Variants in SLC18A1 observed in about 807,000 individuals in gnomAD.
SLC18A1 encodes chromaffin granule amine transporter.
In SLC18A1, 69 loss-of-function variants were observed where a neutral mutation model predicts 53.7. The observed-to-expected ratio is 1.28, with a 90% CI of 1.06 to 1.57. The LOEUF (loss-of-function observed/expected upper bound fraction) is 1.57. SLC18A1 is among the 40% of genes most tolerant of loss of function. The pLI is 0.00. For synonymous variants in SLC18A1, 320 were observed against 248.1 expected (o/e 1.29, Z -2.72); for missense variants, 932 against 668.1 (o/e 1.40, Z -4.35).
chr8:20,154,895 C>T (rs2071644438), intron 10 of SLC18A1, among the ~76,000 whole-genome samples: 2 of 152,188 alleles, frequency 1.3e-5, no homozygotes, highest in African/African-American at 4.8e-5. Context: ...CCCTCCAGAT[C>T]TGGCAGGGTG....
At chr8:20,180,303 A>G (rs1208771375) in intron 2 of SLC18A1, among the ~76,000 whole-genome samples, 1 of 152,194 alleles carries the variant, frequency 6.6e-6, no homozygotes, top group Non-Finnish European at 1.5e-5. Context: ...GTTTTACCCA[A>G]GAGGAGAAAC....
chr8:20,147,413 C>T, intron 14 of SLC18A1, 22 bp from the exon 15 acceptor site: 1 of 1,597,508 alleles, frequency 6.3e-7, no homozygotes, highest in South Asian at 1.1e-5. Flanking sequence ...ACATCAAAGT[C>T]ATAAGTGTCT....
chr8:20,159,660 A>G (rs1392500528), intron 10 of SLC18A1, among the ~76,000 whole-genome samples: 99 of 149,844 alleles, frequency 6.6e-4, no homozygotes, highest in African/African-American at 2.0e-3. Flanking sequence ...AAAAAAAAAA[A>G]AAAGAAAGAA....
Position 20,179,475 on chromosome 8 carries a change from A to G in SLC18A1, c.134T>C (p.Val45Ala), listed in dbSNP as rs761806392. Residue 45 changes from valine to alanine, a missense_variant, in exon 3 of 16, where the codon GTG becomes GCG. Coordinates refer to ENST00000276373, the MANE Select transcript of SLC18A1 (RefSeq NM_003053.4). ...CTCCATGTCATATAGGAAGGTGGGCACAATTGGCACTGAAAGTCAAAGAGG... is the reference window on the plus strand; with the variant it reads ...CTCCATGTCATATAGGAAGGTGGGCGCAATTGGCACTGAAAGTCAAAGAGG... ...NMLFTVVVPI[V>A]PTFLYDMEFK... 6.2e-7 allele frequency: 1 copy of G among 1,609,096 alleles called. No individual in the cohort carries two copies. Among genetic ancestry groups the G allele is most frequent in the Admixed American group, 1.7e-5 (1 of 59,896 alleles).
intron 4 of SLC18A1, among the ~76,000 whole-genome samples, chr8:20,177,513 T>C (rs1026897152): frequency 3.3e-5 from 5 of 152,070 alleles, no homozygotes; most frequent in African/African-American, 1.2e-4. Context: ...AGGGGAGGGA[T>C]AGCATTAGGA....
At chr8:20,166,017 C>T (rs934356973) in intron 8 of SLC18A1, among the ~76,000 whole-genome samples, 12 of 151,950 alleles carry the variant, frequency 7.9e-5, no homozygotes, top group South Asian at 4.2e-4. Context: ...AGAGATCATT[C>T]GCTTACCCAA....
Position 20,145,584 on chromosome 8 carries a change from G to A in SLC18A1, c.*179C>T. The A allele has an allele frequency of 2.3e-6, 1 of 443,936 alleles. No individual in the cohort carries two copies. The highest frequency in any genetic ancestry group is 4.0e-6 in the Non-Finnish European group (1 of 250,244). 27.5% of individuals were successfully genotyped at this position (443,936 alleles called of 1,614,324 possible). On this transcript the variant is annotated 3_prime_UTR_variant, in exon 16 of 16. Coordinates refer to ENST00000276373, the MANE Select transcript of SLC18A1 (RefSeq NM_003053.4). ...TGCGGCACCAAGGCATAGAGGAAGA[G>A]CTACAAGTTACACAGGTGAGAAGAG...
chr8:20,181,486 C>A (rs1431614309), intron 1 of SLC18A1, among the ~76,000 whole-genome samples: 1 of 151,994 alleles, frequency 6.6e-6, no homozygotes, highest in African/African-American at 2.4e-5. Context: ...GTGGGATGTG[C>A]CTGGAGTCTC....
chr8:20,182,106 T>C (rs2072443371), intron 1 of SLC18A1, among the ~76,000 whole-genome samples: 1 of 152,226 alleles, frequency 6.6e-6, no homozygotes, highest in Non-Finnish European at 1.5e-5. Context: ...TGTTGTGGTA[T>C]CAACAATATC....
At chr8:20,169,874 G>C (rs569500844) in intron 8 of SLC18A1, among the ~76,000 whole-genome samples, 7 of 152,120 alleles carry the variant, frequency 4.6e-5, no homozygotes, top group Non-Finnish European at 7.4e-5. Context: ...GCAAGACTCC[G>C]TCTCAAAAAA....
chr8:20,155,414 C>G (rs1255166107), intron 10 of SLC18A1, among the ~76,000 whole-genome samples: 1 of 152,126 alleles, frequency 6.6e-6, no homozygotes, highest in East Asian at 1.9e-4. Context: ...TAACAACACC[C>G]AATCCTTCTA....
Position 20,149,711 on chromosome 8 carries a change from T to A in SLC18A1, c.1111A>T (p.Ile371Phe). The A allele has an allele frequency of 6.2e-7, 1 of 1,613,552 alleles. No homozygotes were observed. The highest frequency in any genetic ancestry group is 8.5e-7 in the Non-Finnish European group (1 of 1,179,890). The change falls in exon 12 of 16, where the codon ATC becomes TTC. Residue 371 changes from isoleucine (I) to phenylalanine (F), a missense_variant. Ile to Phe is a conservative substitution (Grantham distance 21, BLOSUM62 0). Transcript: ENST00000276373. ...NKMGRWLCSL[I>F]GMLVVGTSLL... Reference sequence around the variant, plus strand: ...CTGGTACCTACTACCAGCATCCCGATTAGGGAACACAGCCACCTGGAAGAA... The same window carrying A: ...CTGGTACCTACTACCAGCATCCCGAATAGGGAACACAGCCACCTGGAAGAA...
intron 10 of SLC18A1, among the ~76,000 whole-genome samples, chr8:20,156,789 C>CTTTTTGTCCTTTT (rs2071692917): frequency 6.6e-6 from 1 of 152,184 alleles, no homozygotes; most frequent in African/African-American, 2.4e-5. Context: ...AGGACAAATG[C>CTTTTTGTCCTTTT]CCTAGTGGGC....
chr8:20,171,508 G>A lies in SLC18A1; in HGVS notation c.725-14C>T. On this transcript the variant is annotated splice_polypyrimidine_tract_variant and intron_variant, in intron 6 of 15. Coordinates refer to ENST00000276373, the MANE Select transcript of SLC18A1 (RefSeq NM_003053.4). ...AGGGAGCTCCCACTGGAGAGGCATAGGAGACACAGATTCCAGAGGTGAGGG... is the reference window on the plus strand; with the variant it reads ...AGGGAGCTCCCACTGGAGAGGCATAAGAGACACAGATTCCAGAGGTGAGGG... The A allele has an allele frequency of 6.2e-7, 1 of 1,602,378 alleles. No homozygotes were observed. Among genetic ancestry groups the A allele is most frequent in the Admixed American group, 1.7e-5 (1 of 59,988 alleles).
intron 4 of SLC18A1, among the ~76,000 whole-genome samples, chr8:20,177,972 A>T (rs1361375422): frequency 1.3e-5 from 2 of 152,224 alleles, no homozygotes; most frequent in African/African-American, 4.8e-5. Context: ...ACTGAAAAGC[A>T]GTAGGCTTTT....
chr8:20,166,281 G>GTGTC (rs2071955993), intron 8 of SLC18A1, among the ~76,000 whole-genome samples: 2 of 93,690 alleles, frequency 2.1e-5, no homozygotes, highest in Non-Finnish European at 4.3e-5. Context: ...GTGTGGGTGT[G>GTGTC]TGTGTGTCTA....
intron 8 of SLC18A1, among the ~76,000 whole-genome samples, chr8:20,170,814 T>G (rs10095858): frequency 6.6e-6 from 1 of 151,888 alleles, no homozygotes; most frequent in South Asian, 2.1e-4. Context: ...TATATATACA[T>G]ACCCCATATA....
intron 5 of SLC18A1, among the ~76,000 whole-genome samples, chr8:20,174,134 G>T (rs1006298918): frequency 1.3e-5 from 2 of 151,976 alleles, no homozygotes; most frequent in African/African-American, 4.8e-5. Context: ...GTTGGTCTCA[G>T]ACTCCTAGAA....
chr8:20,169,691 C>A (rs2072061449), intron 8 of SLC18A1, among the ~76,000 whole-genome samples: 1 of 152,046 alleles, frequency 6.6e-6, no homozygotes, highest in Non-Finnish European at 1.5e-5. Context: ...CCAGCCTGGC[C>A]AACATGGTGA....
Sources: allele counts gnomAD v4.1 joint callset (sites outside exome capture counted in the v4.1 genomes callset), GRCh38; gene constraint gnomAD v4.1.1; transcripts MANE v1.5; gene names NCBI Gene and HGNC (gene_info 2026-07-23, HGNC 2026-07-21).